The following ATP6V1B2 variants were observed in gnomAD, a reference collection of about 807,000 sequenced individuals.
The protein encoded by ATP6V1B2 is ATPase H+ transporting V1 subunit B2.
ATP6V1B2 carries 23 observed loss-of-function variants against 66.7 expected under a neutral mutation model. That is an observed-to-expected ratio of 0.34 (90% CI 0.25 to 0.49). The LOEUF is 0.49. ATP6V1B2 is among the 20% of genes least tolerant of loss of function. The pLI, the probability that ATP6V1B2 is intolerant of heterozygous loss-of-function variation, is 0.99. For missense variants in ATP6V1B2, 478 were observed against 650.8 expected (o/e 0.73, Z 2.89); for synonymous variants, 278 against 236.7 (o/e 1.17, Z -1.60).
intron 12 of ATP6V1B2, 52 bp downstream of exon 12, chr8:20,217,376 TGTCTTACAC>T: frequency 6.8e-7 from 1 of 1,466,902 alleles, no homozygotes; most frequent in Non-Finnish European, 9.5e-7. Context: ...ACGTTTCTGC[TGTCTTACAC>T]CTCTTGTCTT....
chr8:20,204,448 T>G lies in ATP6V1B2; in HGVS notation c.137-36T>G, dbSNP rs1346685961. 4.4e-6 allele frequency: 7 copies of G among 1,583,138 alleles called. No homozygotes were observed. In the South Asian group the frequency reaches 7.8e-5, roughly 18 times the overall value. On this transcript the variant is annotated intron_variant, in intron 1 of 13. Transcript: ENST00000276390. ...AGAGCTAATTTAAGCTTTTGTGCTATTTGACTAAAACTGACTCTTCTGTAT... is the reference window on the plus strand; with the variant it reads ...AGAGCTAATTTAAGCTTTTGTGCTAGTTGACTAAAACTGACTCTTCTGTAT...
chr8:20,206,447 G>A (rs1226001151), intron 2 of ATP6V1B2, among the ~76,000 whole-genome samples: 1 of 152,126 alleles, frequency 6.6e-6, no homozygotes, highest in East Asian at 1.9e-4. Context: ...TCTGAAGTTT[G>A]ATAATTTGCT....
intron 4 of ATP6V1B2, 38 bp from the exon 5 acceptor site, chr8:20,210,527 AAGTC>A: frequency 6.2e-7 from 1 of 1,609,670 alleles, no homozygotes; most frequent in Non-Finnish European, 8.5e-7. Context: ...GAACATTTGA[AAGTC>A]AGCATCTACT....
chr8:20,210,268 GT>G (rs759625198), intron 3 of ATP6V1B2, 77 bp from the exon 4 acceptor site: 71 of 1,231,342 alleles, frequency 5.8e-5, no homozygotes, highest in Non-Finnish European at 7.9e-5. Flanking sequence ...TATAAGGGCT[GT>G]TTAACAGACA....
chr8:20,211,773 T>C lies in ATP6V1B2; in HGVS notation c.705+20T>C. On this transcript the variant is annotated intron_variant, in intron 7 of 13. Coordinates refer to ENST00000276390, the MANE Select transcript of ATP6V1B2 (RefSeq NM_001693.4). ...ATGGGTGTAAGTAGAATTTTTGTTT[T>C]AGTATGATATGTAAAATTTTGCTTG... 1.3e-6 allele frequency: 2 copies of C among 1,564,798 alleles called. No individual in the cohort carries two copies. The highest frequency in any genetic ancestry group is 1.7e-6 in the Non-Finnish European group (2 of 1,145,280).
chr8:20,203,940 G>T (rs770512399), intron 1 of ATP6V1B2: 1 of 452,646 alleles, frequency 2.2e-6, no homozygotes, highest in South Asian at 1.6e-5. Context: ...CCATTTAATT[G>T]TGGCTTTTTA....
chr8:20,211,422 G>A lies in ATP6V1B2; in HGVS notation c.603+106G>A. The A allele has an allele frequency of 2.1e-6, 3 of 1,459,772 alleles. No individual in the cohort carries two copies. The East Asian group carries it at 6.9e-5, about 34-fold the overall frequency. The allele number at this position is 1,459,772 out of a possible 1,614,324, so 90.4% of individuals were successfully genotyped here. ...AAAGGGTTTTCAAAATAAATACTCA[G>A]TGTTATTGTTTGTATAATCCAGTTA... is the stretch of plus-strand genomic sequence containing the variant. On this transcript the variant is annotated intron_variant, in intron 6 of 13. Transcript: ENST00000276390.
At chr8:20,210,303 C>G in intron 3 of ATP6V1B2, 43 bp from the exon 4 acceptor site, 1 of 1,525,922 alleles carries the variant, frequency 6.6e-7, no homozygotes, top group South Asian at 1.2e-5. Context: ...TGCCCGTGAT[C>G]TAAATTACTT....
At chr8:20,212,697 A>C in intron 8 of ATP6V1B2, 85 bp from the exon 9 acceptor site, 1 of 1,543,204 alleles carries the variant, frequency 6.5e-7, no homozygotes, top group Admixed American at 2.1e-5. Flanking sequence ...GGGGAATTGT[A>C]CTGTTATTTC....
chr8:20,209,319 G>C (rs2072769822), intron 2 of ATP6V1B2, 114 bp from the exon 3 acceptor site: 2 of 1,026,120 alleles, frequency 1.9e-6, no homozygotes, highest in Non-Finnish European at 2.9e-6. Context: ...ACCTGTGTCT[G>C]TGAAGAGTAG....
rs775526855 is a variant in ATP6V1B2 at position 20,217,244 on chromosome 8, C to T, written c.1186C>T (p.Pro396Ser). The T allele has an allele frequency of 3.1e-6, 5 of 1,613,152 alleles. No individual in the cohort carries two copies. The South Asian group carries it at 3.3e-5, about 11-fold the overall frequency. Reference sequence around the variant, plus strand: ...GATTTATCCACCTATCAATGTGCTGCCCTCACTATCACGGTTAATGAAGTC... The same window carrying T: ...GATTTATCCACCTATCAATGTGCTGTCCTCACTATCACGGTTAATGAAGTC... ...RQIYPPINVLPSLSRLMKSAI... is the reference protein window; with the variant it reads ...RQIYPPINVLSSLSRLMKSAI... The change falls in exon 12 of 14, where the codon CCC becomes TCC. Residue 396 changes from proline (P) to serine (S), a missense_variant. By Grantham distance (74) the Pro-to-Ser change is moderately conservative. Around this residue, in one of 2 missense-constraint regions of ATP6V1B2, gnomAD observed 326 missense variants for 545.6 expected, o/e 0.60. Transcript: ENST00000276390.
rs1441504469 is a variant in ATP6V1B2 at position 20,217,212 on chromosome 8, T to C, written c.1162-8T>C. ...ATATAGTATTTTTTCCCTCTCATTC[T>C]ACCCAAGATTTATCCACCTATCAAT... is the stretch of plus-strand genomic sequence containing the variant. On this transcript the variant is annotated splice_polypyrimidine_tract_variant and splice_region_variant and intron_variant, in intron 11 of 13. Coordinates refer to ENST00000276390, the MANE Select transcript of ATP6V1B2 (RefSeq NM_001693.4). The C allele has an allele frequency of 1.2e-6, 2 of 1,603,554 alleles. No homozygotes were observed. Among genetic ancestry groups the C allele is most frequent in the East Asian group, 2.2e-5 (1 of 44,818 alleles).
Position 20,197,511 on chromosome 8 carries a change from C to A in ATP6V1B2, c.105C>A (p.Val35=). ...GAGCTCGGGAGCAGGCGCTGGCAGT[C>A]AGTCGGAACTACCTCTCCCAGCCTC... ...AVGAREQALA[V]SRNYLSQPRL... is the part of the protein sequence containing the mutation. The change falls in exon 1 of 14, where the codon GTC becomes GTA. Residue 35 remains valine, a synonymous_variant. Transcript: ENST00000276390. 2 of 1,485,334 alleles carry A rather than the reference C, an allele frequency of 1.3e-6. No individual in the cohort carries two copies. Among genetic ancestry groups the A allele is most frequent in the South Asian group, 1.3e-5 (1 of 75,318 alleles). 92.0% of individuals were successfully genotyped at this position (1,485,334 alleles called of 1,614,324 possible). A position where few individuals can be genotyped will look rare whatever the true frequency, so the allele number is the denominator to read the frequency against.
At chr8:20,219,273 G>C (rs1427398711) in intron 13 of ATP6V1B2, among the ~76,000 whole-genome samples, 1 of 152,132 alleles carries the variant, frequency 6.6e-6, no homozygotes, top group Admixed American at 6.5e-5. Flanking sequence ...AAAGGCTCTA[G>C]TCCAAACCTT....
chr8:20,210,143 T>C (rs1218511322), intron 3 of ATP6V1B2, among the ~76,000 whole-genome samples: 1 of 150,718 alleles, frequency 6.6e-6, no homozygotes, highest in Non-Finnish European at 1.5e-5. Context: ...CTTAGCTTGC[T>C]TATCAAATTT....
chr8:20,202,312 C>T (rs1216292200), intron 1 of ATP6V1B2, among the ~76,000 whole-genome samples: 1 of 152,150 alleles, frequency 6.6e-6, no homozygotes, highest in South Asian at 2.1e-4. Flanking sequence ...GGGCTGGTTG[C>T]TTGTGTCCTT....
intron 1 of ATP6V1B2, among the ~76,000 whole-genome samples, chr8:20,200,083 A>G (rs763560347): frequency 5.9e-5 from 9 of 151,668 alleles, no homozygotes; most frequent in Middle Eastern, 3.4e-3. Context: ...GGTCACTGCA[A>G]CCTCCACATC....
At chr8:20,203,833 T>G (rs1373726534) in intron 1 of ATP6V1B2, 1 of 359,704 alleles carries the variant, frequency 2.8e-6, no homozygotes, top group African/African-American at 2.2e-5. Flanking sequence ...TTGACTTTTT[T>G]TAAAAGGATC....
intron 1 of ATP6V1B2, chr8:20,204,145 G>A: frequency 2.6e-6 from 1 of 385,614 alleles, no homozygotes; most frequent in South Asian, 2.1e-5. Flanking sequence ...CATAGTTAGA[G>A]CCCTTATCTC....
Sources: allele counts gnomAD v4.1 joint callset (sites outside exome capture counted in the v4.1 genomes callset), GRCh38; gene constraint gnomAD v4.1.1; regional missense constraint gnomAD v4.1.1; transcripts MANE v1.5; gene names NCBI Gene and HGNC (gene_info 2026-07-23, HGNC 2026-07-21).